The following NAALADL2 variants were observed in gnomAD, a reference collection of about 807,000 sequenced individuals.
The protein encoded by NAALADL2 is N-acetylated alpha-linked acidic dipeptidase like 2, also known as inactive N-acetylated-alpha-linked acidic dipeptidase-like protein 2.
In NAALADL2, 76 loss-of-function variants were observed where a neutral mutation model predicts 87.2. That is an observed-to-expected ratio of 0.87 (90% CI 0.72 to 1.05). NAALADL2 has a LOEUF of 1.05. NAALADL2 is among the 50% of genes least tolerant of loss of function. NAALADL2 has a pLI of 0.00. For missense variants in NAALADL2, 1,089 were observed against 945.8 expected, an observed-to-expected ratio of 1.15 and a Z score of -1.99; for synonymous variants, 354 against 331.0, an observed-to-expected ratio of 1.07 and a Z score of -0.75.
At chr3:175,018,373 C>T (rs1281223628) in intron 1 of NAALADL2, among the ~76,000 whole-genome samples, 1 of 151,894 alleles carries the variant, frequency 6.6e-6, no homozygotes, top group Admixed American at 6.6e-5. Context: ...ATAGAGAAGG[C>T]AACAAGAGAT....
intron 5 of NAALADL2, among the ~76,000 whole-genome samples, chr3:175,392,121 A>T (rs755161276): frequency 2.0e-5 from 3 of 152,224 alleles, no homozygotes; most frequent in Non-Finnish European, 2.9e-5. Flanking sequence ...TCCAAATGAC[A>T]TGATTTCAGC....
intron 10 of NAALADL2, chr3:175,581,117 G>T: frequency 2.7e-6 from 1 of 369,224 alleles, no homozygotes; most frequent in Admixed American, 2.7e-5. Context: ...GAAGAGTGAT[G>T]TTATCTTACA....
At chr3:174,889,389 A>C (rs959782876) in intron 1 of NAALADL2, among the ~76,000 whole-genome samples, 2 of 152,106 alleles carry the variant, frequency 1.3e-5, no homozygotes, top group South Asian at 2.1e-4. Flanking sequence ...AGACAAACAA[A>C]AGGATGTGGG....
At chr3:175,636,535 C>T (rs1028451858) in intron 11 of NAALADL2, among the ~76,000 whole-genome samples, 3 of 151,630 alleles carry the variant, frequency 2.0e-5, no homozygotes, top group Non-Finnish European at 2.9e-5. Context: ...CTTGTCTCTA[C>T]TAAAAATACA....
At chr3:174,628,510 C>T (rs982723583) in intron 2 of NAALADL2, among the ~76,000 whole-genome samples, 31 of 146,032 alleles carry the variant, frequency 2.1e-4, no homozygotes, top group Admixed American at 1.0e-3. Flanking sequence ...TTATCTATTT[C>T]TATTCCCTGT....
chr3:174,470,186 C>T (rs1716811363), intron 1 of NAALADL2, among the ~76,000 whole-genome samples: 2 of 152,100 alleles, frequency 1.3e-5, no homozygotes, highest in South Asian at 2.1e-4. Context: ...TTAAGAATAA[C>T]CATTCTGAGT....
At chr3:174,992,444 G>A (rs149080241) in intron 1 of NAALADL2, among the ~76,000 whole-genome samples, 1 of 152,106 alleles carries the variant, frequency 6.6e-6, no homozygotes, top group African/African-American at 2.4e-5. Flanking sequence ...TTTTGTGAGG[G>A]TATAGATAAT....
At chr3:175,003,279 A>G (rs904878336) in intron 1 of NAALADL2, among the ~76,000 whole-genome samples, 2 of 152,196 alleles carry the variant, frequency 1.3e-5, no homozygotes, top group African/African-American at 4.8e-5. Flanking sequence ...GTGCTTCAAG[A>G]GACTGAGGCA....
At chr3:174,577,244 A>T (rs1560067733) in intron 2 of NAALADL2, among the ~76,000 whole-genome samples, 1 of 152,208 alleles carries the variant, frequency 6.6e-6, no homozygotes, top group Non-Finnish European at 1.5e-5. Context: ...CTCTTAAAAA[A>T]ACCAAATATC....
chr3:175,347,077 C>G (rs1362770273), intron 5 of NAALADL2, among the ~76,000 whole-genome samples: 2 of 152,130 alleles, frequency 1.3e-5, no homozygotes, highest in African/African-American at 2.4e-5. Flanking sequence ...GACTCTCAAG[C>G]CTGTGCTGCT....
At chr3:175,075,865 A>G (rs1170106454) in intron 1 of NAALADL2, among the ~76,000 whole-genome samples, 1 of 152,192 alleles carries the variant, frequency 6.6e-6, no homozygotes, top group African/African-American at 2.4e-5. Context: ...GTCTAAAAAT[A>G]GATAAAATAA....
At chr3:175,508,065 A>C (rs1369877059) in intron 9 of NAALADL2, among the ~76,000 whole-genome samples, 1 of 152,188 alleles carries the variant, frequency 6.6e-6, no homozygotes, top group Non-Finnish European at 1.5e-5. Context: ...CAGGCACATC[A>C]CATGACAAAG....
intron 2 of NAALADL2, among the ~76,000 whole-genome samples, chr3:174,621,417 G>A (rs1183554286): frequency 6.6e-6 from 1 of 152,096 alleles, no homozygotes; most frequent in Non-Finnish European, 1.5e-5. Flanking sequence ...TTAGAGCTAA[G>A]ATTTAACTAT....
chr3:175,399,614 C>T (rs1770293683), intron 5 of NAALADL2, among the ~76,000 whole-genome samples: 1 of 152,084 alleles, frequency 6.6e-6, no homozygotes, highest in Non-Finnish European at 1.5e-5. Context: ...GTGAGGATGA[C>T]CAGAGATCAC....
intron 3 of NAALADL2, among the ~76,000 whole-genome samples, chr3:174,843,689 G>C (rs2109433585): frequency 6.6e-6 from 1 of 152,012 alleles, no homozygotes; most frequent in South Asian, 2.1e-4. Flanking sequence ...TCCATATCCT[G>C]TCTGACACTT....
chr3:175,591,057 G>A (rs1414485600), intron 10 of NAALADL2, among the ~76,000 whole-genome samples: 5 of 152,018 alleles, frequency 3.3e-5, no homozygotes, highest in South Asian at 2.1e-4. Context: ...AGACTCATAC[G>A]GCATTGCACT....
chr3:174,561,908 C>A (rs528884813), intron 2 of NAALADL2, among the ~76,000 whole-genome samples: 1 of 152,074 alleles, frequency 6.6e-6, no homozygotes, highest in African/African-American at 2.4e-5. Flanking sequence ...AAGTGCATTT[C>A]GGAAATTTTA....
At chr3:175,286,828 A>G (rs1755030712) in intron 4 of NAALADL2, among the ~76,000 whole-genome samples, 1 of 152,144 alleles carries the variant, frequency 6.6e-6, no homozygotes, top group Admixed American at 6.6e-5. Flanking sequence ...GCGGTAACTC[A>G]TGCCTGTAAT....
intron 1 of NAALADL2, among the ~76,000 whole-genome samples, chr3:175,072,662 T>C (rs942725754): frequency 2.4e-5 from 3 of 123,884 alleles, no homozygotes; most frequent in Non-Finnish European, 3.2e-5. Context: ...TGAGTATAAC[T>C]ATATCCTAGG....
Sources: gnomAD v4.1 joint callset for allele counts (sites outside exome capture counted in the v4.1 genomes callset) on GRCh38, gnomAD v4.1.1 for gene constraint, MANE v1.5 for transcripts, NCBI Gene and HGNC (gene_info 2026-07-23, HGNC 2026-07-21) for gene names.